SEPTIN9: variants seen among roughly 807,000 people sequenced by gnomAD.
The protein encoded by SEPTIN9 is septin-9.
In SEPTIN9, 13 loss-of-function variants were observed where a neutral mutation model predicts 56.6. The observed-to-expected ratio is 0.23, with a 90% CI of 0.15 to 0.37. SEPTIN9 has a LOEUF of 0.37. Among genes scored for constraint, SEPTIN9 ranks in the 10% least tolerant of loss-of-function variants. SEPTIN9 has a pLI of 1.00. For missense variants in SEPTIN9, 650 were observed against 823.1 expected (o/e 0.79, Z 2.57); for synonymous variants, 332 against 334.1 (o/e 0.99, Z 0.07).
chr17:77,390,754 C>T (rs929796601), intron 2 of SEPTIN9, among the ~76,000 whole-genome samples: 1 of 152,198 alleles, frequency 6.6e-6, no homozygotes, highest in African/African-American at 2.4e-5. Flanking sequence ...CCCGGCCACA[C>T]GTTTCTGTTC....
At position 77,335,572 on chromosome 17, in the gene SEPTIN9, A is replaced by G. The variant is rs62079557; in HGVS notation, c.76+28375A>G. Among the ~76,000 whole-genome samples, 539 of 140,108 alleles carry G rather than the reference A, an allele frequency of 3.8e-3. 5 individuals are homozygous for G. The highest frequency in any genetic ancestry group is 0.013 in the African/African-American group (499 of 37,308). 91.9% of individuals were successfully genotyped at this position (140,108 alleles called of 152,430 possible). ...TAGGCCCTATGTTGACTGTATATGT[A>G]GTCCTATATTAGTATATGTACATAT... On this transcript the variant is annotated intron_variant, in intron 2 of 11. Transcript: ENST00000427177.
chr17:77,486,577 T>A (rs75069740), intron 4 of SEPTIN9, among the ~76,000 whole-genome samples: 3,570 of 151,698 alleles, frequency 0.024, 138 homozygotes, highest in African/African-American at 0.082. Flanking sequence ...GTGAGAGTTG[T>A]GTGTGAGGTA....
rs953675928 is a variant in SEPTIN9 at position 77,476,837 on chromosome 17, C to A, written c.722-5307C>A. On this transcript the variant is annotated intron_variant, in intron 3 of 11. Coordinates refer to ENST00000427177, the MANE Select transcript of SEPTIN9 (RefSeq NM_001113491.2). This position sits in a 1 kb window ranked among gnomAD's most constrained non-coding sequence, Gnocchi z 6.0. ...TCTGGCGACACCAACTTGAGAACCT[C>A]AGGCCTAAGTGTTGGCCTCTGGGCC... Among the ~76,000 whole-genome samples the A allele has an allele frequency of 6.6e-6, 1 of 152,246 alleles. No individual in the cohort carries two copies. The highest frequency in any genetic ancestry group is 2.4e-5 in the African/African-American group (1 of 41,464).
Position 77,319,710 on chromosome 17 carries a change from A to G in SEPTIN9, c.76+12513A>G. On this transcript the variant is annotated intron_variant, in intron 2 of 11. Transcript: ENST00000427177. This position sits in a 1 kb window ranked among gnomAD's most constrained non-coding sequence, Gnocchi z 5.3. ...GAGGAAGGCGAGGCAGGCACGCAGGAACTGGGCTTTTTAAACCCTTAAGCC... is the reference window on the plus strand; with the variant it reads ...GAGGAAGGCGAGGCAGGCACGCAGGGACTGGGCTTTTTAAACCCTTAAGCC... 2 of 1,067,194 alleles carry G rather than the reference A, an allele frequency of 1.9e-6. No homozygotes were observed. The highest frequency in any genetic ancestry group is 2.3e-6 in the Non-Finnish European group (2 of 880,278). The allele number at this position is 1,067,194 out of a possible 1,614,324, so 66.1% of individuals were successfully genotyped here.
At chr17:77,373,574 G>C in intron 2 of SEPTIN9, 1 of 1,542,182 alleles carries the variant, frequency 6.5e-7, no homozygotes. Flanking sequence ...GCTGGCTGCT[G>C]CGGCCGCGGA....
Position 77,434,149 on chromosome 17 carries a change from AG to A in SEPTIN9, c.721+31449del, listed in dbSNP as rs1282529386. On this transcript the variant is annotated intron_variant, in intron 3 of 11. Coordinates refer to ENST00000427177, the MANE Select transcript of SEPTIN9 (RefSeq NM_001113491.2). The surrounding 1 kb of genome is among the most constrained non-coding windows in gnomAD (Gnocchi z 5.0). ...CCAGGAGGCCCTTGGTGGGAGAGGC[AG>A]GGCCCCTTCCCCTTTAATCTGGGCA... 2.8e-4 allele frequency among the ~76,000 whole-genome samples: 42 copies of A among 152,260 alleles called. No homozygotes were observed. Among genetic ancestry groups the A allele is most frequent in the African/African-American group, 1.0e-3 (42 of 41,550 alleles).
rs1227756324 is a variant in SEPTIN9 at position 77,453,417 on chromosome 17, C to A, written c.722-28727C>A. 6.6e-6 allele frequency among the ~76,000 whole-genome samples: 1 copy of A among 152,066 alleles called. No homozygotes were observed. The highest frequency in any genetic ancestry group is 2.4e-5 in the African/African-American group (1 of 41,398). On this transcript the variant is annotated intron_variant, in intron 3 of 11. Transcript: ENST00000427177. This position sits in a 1 kb window ranked among gnomAD's most constrained non-coding sequence, Gnocchi z 4.4. ...GGTCAAGAGTTCGAGACCAGCCTGG[C>A]CAACATGGTGAAACCCTGTCTCTAC...
At chr17:77,490,304 GAGC>G (rs993255220) in intron 7 of SEPTIN9, among the ~76,000 whole-genome samples, 70 of 152,022 alleles carry the variant, frequency 4.6e-4, no homozygotes, top group African/African-American at 1.6e-3. Context: ...CAGGCAAGGG[GAGC>G]AGCCCGCCTG....
chr17:77,389,847 C>T lies in SEPTIN9; in HGVS notation c.77-12212C>T, dbSNP rs1354314613. Among the ~76,000 whole-genome samples, 1 of 152,208 alleles carries T rather than the reference C, an allele frequency of 6.6e-6. No individual in the cohort carries two copies. Among genetic ancestry groups the T allele is most frequent in the African/African-American group, 2.4e-5 (1 of 41,452 alleles). Reference sequence around the variant, plus strand: ...GAGCAGCCAGCAGCTGGTTTAGAACCCGGGGGTGGGGGGAGCGCTAGACCA... The same window carrying T: ...GAGCAGCCAGCAGCTGGTTTAGAACTCGGGGGTGGGGGGAGCGCTAGACCA... On this transcript the variant is annotated intron_variant, in intron 2 of 11. Coordinates refer to ENST00000427177, the MANE Select transcript of SEPTIN9 (RefSeq NM_001113491.2). The surrounding 1 kb of genome is among the most constrained non-coding windows in gnomAD (Gnocchi z 4.3).
intron 4 of SEPTIN9, chr17:77,483,053 A>G: frequency 6.2e-6 from 1 of 161,878 alleles, no homozygotes; most frequent in Admixed American, 5.7e-5. Flanking sequence ...GACTCCCAGA[A>G]CTGTGTTCTG....
intron 10 of SEPTIN9, among the ~76,000 whole-genome samples, chr17:77,493,989 T>A (rs977742644): frequency 6.7e-6 from 1 of 149,960 alleles, no homozygotes; most frequent in Non-Finnish European, 1.5e-5. Context: ...GCCAGGCTGG[T>A]CTTAAACTCC....
Position 77,455,372 on chromosome 17 carries a change from G to A in SEPTIN9, c.722-26772G>A, listed in dbSNP as rs571052586. ...CTGGCTGGCAGCACTCCCTTCTCAG[G>A]CCTGTGCCCCCGGCAGGGCCTGCTG... On this transcript the variant is annotated intron_variant, in intron 3 of 11. Transcript: ENST00000427177. Among the ~76,000 whole-genome samples the A allele has an allele frequency of 1.1e-4, 17 of 152,326 alleles. No individual in the cohort carries two copies. In the East Asian group the frequency reaches 3.3e-3, roughly 29 times the overall value.
intron 2 of SEPTIN9, among the ~76,000 whole-genome samples, chr17:77,359,961 T>C (rs769243787): frequency 2.7e-4 from 41 of 151,668 alleles, no homozygotes; most frequent in Non-Finnish European, 4.7e-4. Flanking sequence ...GGTCAGGAGT[T>C]TGAGACTAGC....
At chr17:77,304,924 G>A (rs2143583374) in intron 1 of SEPTIN9, among the ~76,000 whole-genome samples, 1 of 152,260 alleles carries the variant, frequency 6.6e-6, no homozygotes, top group South Asian at 2.1e-4. Flanking sequence ...CAGGCTCACT[G>A]TATGCCACTC....
rs2034646972 is a variant in SEPTIN9, at chr17:77,369,037, C to T, written c.77-33022C>T. 6.6e-6 allele frequency among the ~76,000 whole-genome samples: 1 copy of T among 152,186 alleles called. No individual in the cohort carries two copies. Among genetic ancestry groups the T allele is most frequent in the South Asian group, 2.1e-4 (1 of 4,826 alleles). ...CAGGCAGATCATCTGAGTTCAAAAC[C>T]AGCCTGGCCAGCAGGGTGAATCCTC... is the stretch of plus-strand genomic sequence containing the variant. On this transcript the variant is annotated intron_variant, in intron 2 of 11. Coordinates refer to ENST00000427177, the MANE Select transcript of SEPTIN9 (RefSeq NM_001113491.2). The surrounding 1 kb of genome is among the most constrained non-coding windows in gnomAD (Gnocchi z 4.9).
intron 2 of SEPTIN9, among the ~76,000 whole-genome samples, chr17:77,379,235 C>T (rs1175903589): frequency 6.6e-6 from 1 of 152,012 alleles, no homozygotes; most frequent in African/African-American, 2.4e-5. Flanking sequence ...ACACTGGGCC[C>T]GGGGTGTCAG....
At chr17:77,353,658 C>T (rs1186450952) in intron 2 of SEPTIN9, among the ~76,000 whole-genome samples, 2 of 152,146 alleles carry the variant, frequency 1.3e-5, no homozygotes, top group African/African-American at 4.8e-5. Context: ...TCAGGCCCCA[C>T]ACACTATGCA....
At chr17:77,289,407 C>CTT (rs572213399) in intron 1 of SEPTIN9, among the ~76,000 whole-genome samples, 1,645 of 102,490 alleles carry the variant, frequency 0.016, 44 homozygotes, top group African/African-American at 0.036. Flanking sequence ...TGCATTTATG[C>CTT]TTTTTTTTTT....
chr17:77,351,671 C>T (rs1443742553), intron 2 of SEPTIN9, among the ~76,000 whole-genome samples: 3 of 152,254 alleles, frequency 2.0e-5, no homozygotes, highest in African/African-American at 7.2e-5. Context: ...AAGGCTGCTG[C>T]TGAGGACTCT....
Sources: allele counts gnomAD v4.1 joint callset (sites outside exome capture counted in the v4.1 genomes callset), GRCh38; gene constraint gnomAD v4.1.1; non-coding constraint Gnocchi (gnomAD v3.1); transcripts MANE v1.5; gene names NCBI Gene and HGNC (gene_info 2026-07-23, HGNC 2026-07-21).